The following KIAA1328 variants were observed in gnomAD, a reference collection of about 807,000 sequenced individuals.
KIAA1328 encodes the protein protein hinderin.
In KIAA1328, 52 loss-of-function variants were observed where a neutral mutation model predicts 68.1. That is an observed-to-expected ratio of 0.76 (90% CI 0.61 to 0.96). The LOEUF is 0.96. Among genes scored for constraint, KIAA1328 ranks in the 40% least tolerant of loss-of-function variants. KIAA1328 has a pLI of 0.00. For missense variants in KIAA1328, 641 were observed against 677.6 expected, an observed-to-expected ratio of 0.95 and a Z score of 0.60; for synonymous variants, 232 against 239.4, an observed-to-expected ratio of 0.97 and a Z score of 0.28.
intron 7 of KIAA1328, among the ~76,000 whole-genome samples, chr18:37,122,705 C>G (rs980715792): frequency 9.2e-5 from 14 of 151,814 alleles, no homozygotes; most frequent in African/African-American, 3.4e-4. Context: ...GTGGTATTCT[C>G]AATTTTCTCT....
At chr18:37,079,884 C>CA (rs200381832) in intron 7 of KIAA1328, among the ~76,000 whole-genome samples, 26,316 of 94,848 alleles carry the variant, frequency 0.28, 2,972 homozygotes, top group Middle Eastern at 0.36. Flanking sequence ...AAGGCTGTCT[C>CA]AAAAAAAAAA....
At chr18:36,903,220 T>A (rs977007252) in intron 5 of KIAA1328, among the ~76,000 whole-genome samples, 3 of 152,098 alleles carry the variant, frequency 2.0e-5, no homozygotes, top group Non-Finnish European at 2.9e-5. Context: ...TGAATAACAG[T>A]AGGTCTCGTT....
intron 7 of KIAA1328, among the ~76,000 whole-genome samples, chr18:37,105,634 A>G (rs1347306712): frequency 1.3e-5 from 2 of 151,872 alleles, no homozygotes; most frequent in South Asian, 2.1e-4. Flanking sequence ...CTTTTGAATT[A>G]TAGTGTAAAG....
At chr18:37,052,836 A>G (rs1345690015) in intron 6 of KIAA1328, among the ~76,000 whole-genome samples, 1 of 152,224 alleles carries the variant, frequency 6.6e-6, no homozygotes, top group African/African-American at 2.4e-5. Context: ...GCTGAAATGT[A>G]ACAGAGATGA....
intron 4 of KIAA1328, among the ~76,000 whole-genome samples, chr18:36,880,313 A>C (rs1030692954): frequency 6.6e-6 from 1 of 152,116 alleles, no homozygotes; most frequent in African/African-American, 2.4e-5. Flanking sequence ...TTCCGGGGTA[A>C]GGTAATGCAC....
At chr18:37,099,262 C>G (rs1261409063) in intron 7 of KIAA1328, among the ~76,000 whole-genome samples, 1 of 152,196 alleles carries the variant, frequency 6.6e-6, no homozygotes, top group Non-Finnish European at 1.5e-5. Context: ...CCCAGAGATT[C>G]TGGTACGTTG....
At chr18:36,959,586 C>T (rs1250858174) in intron 6 of KIAA1328, among the ~76,000 whole-genome samples, 151 bp downstream of exon 6, 1 of 152,146 alleles carries the variant, frequency 6.6e-6, no homozygotes, top group African/African-American at 2.4e-5. Context: ...GTCTTTCCCT[C>T]CCCCTTTCCT....
intron 6 of KIAA1328, among the ~76,000 whole-genome samples, chr18:37,051,479 A>G (rs2055691434): frequency 6.6e-6 from 1 of 152,132 alleles, no homozygotes; most frequent in Non-Finnish European, 1.5e-5. Context: ...CTGGAAACCC[A>G]CACCCTCCCA....
rs1298437397 is a variant in KIAA1328, at chr18:37,222,695, C to G, written c.*468C>G. On this transcript the variant is annotated 3_prime_UTR_variant, in exon 10 of 10. Transcript: ENST00000280020. ...TCTCTCATCTTTCTCATCCTGTTCT[C>G]TCACTACTACATTTCTGTAAGTGGT... 9 of 1,002,716 alleles carry G rather than the reference C, an allele frequency of 9.0e-6. No homozygotes were observed. Among genetic ancestry groups the G allele is most frequent in the Non-Finnish European group, 1.1e-5 (9 of 840,852 alleles). 62.1% of individuals were successfully genotyped at this position (1,002,716 alleles called of 1,614,324 possible).
At chr18:37,105,023 G>A (rs886640399) in intron 7 of KIAA1328, among the ~76,000 whole-genome samples, 1 of 152,104 alleles carries the variant, frequency 6.6e-6, no homozygotes, top group Non-Finnish European at 1.5e-5. Flanking sequence ...TTTGCAATTT[G>A]TAACCCACAA....
intron 7 of KIAA1328, among the ~76,000 whole-genome samples, chr18:37,108,037 G>T (rs771835716): frequency 7.2e-5 from 11 of 152,200 alleles, no homozygotes; most frequent in Non-Finnish European, 1.2e-4. Context: ...ATACCTAAAA[G>T]AAATAAATCA....
intron 4 of KIAA1328, among the ~76,000 whole-genome samples, chr18:36,869,458 G>A (rs1343628716): frequency 1.3e-5 from 2 of 152,002 alleles, no homozygotes; most frequent in African/African-American, 4.8e-5. Context: ...GTTATGAAAA[G>A]CTGAAAGGCT....
intron 6 of KIAA1328, among the ~76,000 whole-genome samples, chr18:37,024,254 G>A: frequency 6.6e-6 from 1 of 151,726 alleles, no homozygotes; most frequent in East Asian, 1.9e-4. Flanking sequence ...TCCTACCTCG[G>A]ACTCCCAAAA....
chr18:37,059,390 A>T (rs2056057151), intron 6 of KIAA1328, among the ~76,000 whole-genome samples: 1 of 152,232 alleles, frequency 6.6e-6, no homozygotes. Context: ...GTATGAACAG[A>T]CACTTCTAAA....
rs117005222 is a variant in KIAA1328 at position 37,043,854 on chromosome 18, G to A, written c.577-23036G>A. Among the ~76,000 whole-genome samples the A allele has an allele frequency of 4.1e-3, 625 of 152,170 alleles. 2 individuals are homozygous for A. The highest frequency in any genetic ancestry group is 7.3e-3 in the Non-Finnish European group (495 of 67,998). ...TATCAAGACTCCCTGTTGCTGTCTC[G>A]TTCCCCAGTGTCCTTGTTAAATATC... On this transcript the variant is annotated intron_variant, in intron 6 of 9. Transcript: ENST00000280020.
intron 6 of KIAA1328, among the ~76,000 whole-genome samples, chr18:36,989,171 C>A (rs962707634): frequency 6.6e-6 from 1 of 152,104 alleles, no homozygotes; most frequent in African/African-American, 2.4e-5. Context: ...GATTATCACA[C>A]TTGTTTTTCG....
chr18:37,120,319 C>T (rs1055542670), intron 7 of KIAA1328, among the ~76,000 whole-genome samples: 1 of 151,774 alleles, frequency 6.6e-6, no homozygotes, highest in African/African-American at 2.4e-5. Flanking sequence ...TTACTAATGC[C>T]CTGCATGAGA....
chr18:36,926,202 C>T (rs1201933854), intron 5 of KIAA1328, among the ~76,000 whole-genome samples: 1 of 152,006 alleles, frequency 6.6e-6, no homozygotes, highest in Non-Finnish European at 1.5e-5. Context: ...TATTTATAGT[C>T]TATGCAAGAA....
intron 6 of KIAA1328, among the ~76,000 whole-genome samples, chr18:37,023,588 A>G (rs1397439349): frequency 6.6e-6 from 1 of 152,134 alleles, no homozygotes; most frequent in East Asian, 1.9e-4. Context: ...CCTCAAAGCT[A>G]TTAAATATTA....
Sources: gnomAD v4.1 joint callset for allele counts (sites outside exome capture counted in the v4.1 genomes callset) on GRCh38, gnomAD v4.1.1 for gene constraint, MANE v1.5 for transcripts, NCBI Gene and HGNC (gene_info 2026-07-23, HGNC 2026-07-21) for gene names.